Variants in SRSF12 observed in about 807,000 individuals in gnomAD.
The protein encoded by SRSF12 is serine and arginine rich splicing factor 12.
Under a neutral mutation model 34.1 loss-of-function variants are expected in SRSF12, and 21 were observed. The ratio of observed to expected loss-of-function variants is 0.62; its 90% CI spans 0.44 to 0.89. SRSF12 has a LOEUF of 0.89. Ranked by LOEUF, SRSF12 falls within the 40% of genes least tolerant of loss-of-function variation. SRSF12 has a pLI of 0.00. For missense variants in SRSF12, 278 were observed against 327.8 expected, an observed-to-expected ratio of 0.85 and a Z score of 1.17; for synonymous variants, 111 against 110.8, an observed-to-expected ratio of 1.00 and a Z score of -0.01.
At chr6:89,104,915 G>A (rs1768715615) in intron 4 of SRSF12, among the ~76,000 whole-genome samples, 1 of 151,978 alleles carries the variant, frequency 6.6e-6, no homozygotes, top group African/African-American at 2.4e-5. Context: ...AATTAGCCCA[G>A]TGTGGTGGTG....
rs1482809910 is a variant in SRSF12 at position 89,097,379 on chromosome 6, A to G, written c.*1199T>C. 1 of 152,368 alleles carries G rather than the reference A, an allele frequency of 6.6e-6. No homozygotes were observed. The highest frequency in any genetic ancestry group is 1.9e-4 in the East Asian group (1 of 5,194). The allele number at this position is 152,368 out of a possible 1,614,324, so 9.4% of individuals were successfully genotyped here. ...AACATAAACTACAACACATTTTCAA[A>G]GAAATTATTAGTTATAACAACTACA... On this transcript the variant is annotated 3_prime_UTR_variant, in exon 5 of 5. Transcript: ENST00000452027.
At chr6:89,104,389 T>C (rs1273388484) in intron 4 of SRSF12, among the ~76,000 whole-genome samples, 3 of 151,926 alleles carry the variant, frequency 2.0e-5, no homozygotes, top group Non-Finnish European at 4.4e-5. Context: ...GGTGCGTGGC[T>C]ACCACACCCA....
At chr6:89,111,834 G>A (rs1769063507) in intron 1 of SRSF12, among the ~76,000 whole-genome samples, 1 of 152,030 alleles carries the variant, frequency 6.6e-6, no homozygotes, top group African/African-American at 2.4e-5. Flanking sequence ...GTTTTGTTGT[G>A]TTTTTGTTTT....
In SRSF12 at chr6:89,117,688, A is replaced by C. The variant is rs567858994; in HGVS notation, c.65+135T>G. The C allele has an allele frequency of 1.9e-4, 159 of 842,886 alleles. No individual in the cohort carries two copies. The African/African-American group carries it at 2.8e-3, about 15-fold the overall frequency. The allele number at this position is 842,886 out of a possible 1,614,324, so 52.2% of individuals were successfully genotyped here. ...TAGTCCGAGGGCTCACACCTCCCCAAGTGGCGCAGCCTGGGCCCGCGGGGA... is the reference window on the plus strand; with the variant it reads ...TAGTCCGAGGGCTCACACCTCCCCACGTGGCGCAGCCTGGGCCCGCGGGGA... On this transcript the variant is annotated intron_variant, in intron 1 of 4. Transcript: ENST00000452027.
chr6:89,115,646 T>C (rs1317552532), intron 1 of SRSF12, among the ~76,000 whole-genome samples: 1 of 147,026 alleles, frequency 6.8e-6, no homozygotes, highest in Non-Finnish European at 1.5e-5. Flanking sequence ...TTTTTTTTTT[T>C]TTTTTTTGAG....
intron 4 of SRSF12, among the ~76,000 whole-genome samples, chr6:89,102,626 T>G (rs1430187799): frequency 6.6e-6 from 1 of 152,188 alleles, no homozygotes; most frequent in Non-Finnish European, 1.5e-5. Flanking sequence ...ATATTTGGAC[T>G]AAAGAAAAGG....
intron 4 of SRSF12, 54 bp from the exon 5 acceptor site, chr6:89,099,001 G>T (rs1200790868): frequency 6.6e-7 from 1 of 1,518,198 alleles, no homozygotes; most frequent in African/African-American, 1.4e-5. Flanking sequence ...AAGAGATCAG[G>T]AAATAACACT....
At chr6:89,103,566 T>G (rs1277276845) in intron 4 of SRSF12, among the ~76,000 whole-genome samples, 1 of 152,142 alleles carries the variant, frequency 6.6e-6, no homozygotes, top group Non-Finnish European at 1.5e-5. Context: ...TGACCTCAGG[T>G]GATCCGCCCC....
At chr6:89,099,835 G>A (rs951142218) in intron 4 of SRSF12, among the ~76,000 whole-genome samples, 6 of 151,932 alleles carry the variant, frequency 3.9e-5, no homozygotes, top group East Asian at 1.9e-4. Context: ...ACACCCAGCC[G>A]AAAACAACTA....
chr6:89,102,646 A>G (rs1012789652), intron 4 of SRSF12, among the ~76,000 whole-genome samples: 4 of 152,230 alleles, frequency 2.6e-5, no homozygotes, highest in East Asian at 1.9e-4. Context: ...GGAGTTGAGG[A>G]GCAATTTTAA....
intron 4 of SRSF12, among the ~76,000 whole-genome samples, chr6:89,101,110 A>G (rs1768520373): frequency 8.1e-6 from 1 of 123,504 alleles, no homozygotes; most frequent in South Asian, 2.4e-4. Flanking sequence ...CCTCCAAGAC[A>G]AAAAAAAAAA....
intron 1 of SRSF12, among the ~76,000 whole-genome samples, chr6:89,117,602 G>A (rs115288314): frequency 0.063 from 9,553 of 152,228 alleles, 874 homozygotes; most frequent in African/African-American, 0.2. Context: ...GATGTGCGCG[G>A]CGCCGGGGCT....
At chr6:89,116,796 A>C (rs1004343691) in intron 1 of SRSF12, among the ~76,000 whole-genome samples, 15 of 151,996 alleles carry the variant, frequency 9.9e-5, no homozygotes, top group Non-Finnish European at 1.5e-5. Context: ...AAAAACTAAA[A>C]AATAAAAAAT....
chr6:89,113,335 A>AG (rs1180376779), intron 1 of SRSF12, among the ~76,000 whole-genome samples: 22 of 152,032 alleles, frequency 1.4e-4, no homozygotes, highest in African/African-American at 5.3e-4. Flanking sequence ...CACCACGCCC[A>AG]GCTAATTTTT....
rs536023721 is a variant in SRSF12, at chr6:89,097,115, G to C, written c.*1463C>G. The C allele has an allele frequency of 6.6e-6, 1 of 152,050 alleles. No individual in the cohort carries two copies. The highest frequency in any genetic ancestry group is 1.5e-5 in the Non-Finnish European group (1 of 68,006). The allele number at this position is 152,050 out of a possible 1,614,324, so 9.4% of individuals were successfully genotyped here. On this transcript the variant is annotated 3_prime_UTR_variant, in exon 5 of 5. Coordinates refer to ENST00000452027, the MANE Select transcript of SRSF12 (RefSeq NM_080743.5). ...TTACATATGGGATCTAATATGCAAA[G>C]AAAACTGGAATTTGTATTCAAAACA...
chr6:89,115,722 C>T (rs1582280480), intron 1 of SRSF12, among the ~76,000 whole-genome samples: 2 of 150,996 alleles, frequency 1.3e-5, no homozygotes, highest in Admixed American at 1.3e-4. Context: ...CTGCAAGCTC[C>T]GCCTCCCGGG....
Position 89,105,429 on chromosome 6 carries a change from T to G in SRSF12, c.272A>C (p.Lys91Thr). 1.2e-6 allele frequency: 2 copies of G among 1,602,202 alleles called. No individual in the cohort carries two copies. Among genetic ancestry groups the G allele is most frequent in the Non-Finnish European group, 1.7e-6 (2 of 1,175,668 alleles). Residue 91 changes from lysine (K) to threonine (T), a missense_variant and splice_region_variant, in exon 3 of 5, where the codon AAA becomes ACA. Lys to Thr is a moderately conservative substitution (Grantham distance 78, BLOSUM62 -1). Coordinates refer to ENST00000452027, the MANE Select transcript of SRSF12 (RefSeq NM_080743.5). ...ATCTAGCATTCAGTCACACTTACTT[T>G]TGCGATCACCTTGTGCAAACTGTAT... ...IEIQFAQGDR[K>T]TPGQMKSKER... is the part of the protein sequence containing the mutation.
At chr6:89,101,822 A>G (rs1178745274) in intron 4 of SRSF12, among the ~76,000 whole-genome samples, 1 of 152,198 alleles carries the variant, frequency 6.6e-6, no homozygotes, top group African/African-American at 2.4e-5. Flanking sequence ...ATGGAATGAC[A>G]TTTTTAAAGA....
rs1009992492 is a variant in SRSF12, at chr6:89,107,346, G to T, written c.66-88C>A. The T allele has an allele frequency of 1.6e-5, 15 of 956,120 alleles. No homozygotes were observed. In the African/African-American group the frequency reaches 2.3e-4, roughly 15 times the overall value. 59.2% of individuals were successfully genotyped at this position (956,120 alleles called of 1,614,324 possible). A position where few individuals can be genotyped will look rare whatever the true frequency, so the allele number is the denominator to read the frequency against. On this transcript the variant is annotated intron_variant, in intron 1 of 4. Coordinates refer to ENST00000452027, the MANE Select transcript of SRSF12 (RefSeq NM_080743.5). ...AGAAATCCACTTGAAACCTTCAAAA[G>T]AAAGAACATCATCTAGACCAGCATT...
Sources: allele counts gnomAD v4.1 joint callset (sites outside exome capture counted in the v4.1 genomes callset), GRCh38; gene constraint gnomAD v4.1.1; transcripts MANE v1.5; gene names NCBI Gene and HGNC (gene_info 2026-07-23, HGNC 2026-07-21).